Variants in HK1 observed in about 807,000 individuals in gnomAD.
HK1 encodes the protein hexokinase 1.
Under a neutral mutation model 91.6 loss-of-function variants are expected in HK1, and 28 were observed. That is an observed-to-expected ratio of 0.31 (90% CI 0.23 to 0.42). The LOEUF is 0.42. Ranked by LOEUF, HK1 falls within the 10% of genes least tolerant of loss-of-function variation. HK1 has a pLI of 1.00. For missense variants in HK1, 770 were observed against 1,219.8 expected, an observed-to-expected ratio of 0.63 and a Z score of 5.49; for synonymous variants, 430 against 468.1, an observed-to-expected ratio of 0.92 and a Z score of 1.05.
At chr10:69,358,398 G>A (rs1199795913) in intron 2 of HK1, among the ~76,000 whole-genome samples, 2 of 152,184 alleles carry the variant, frequency 1.3e-5, no homozygotes, top group East Asian at 1.9e-4. Flanking sequence ...TGTCACTCCC[G>A]AGGGAGGTAA....
intron 7 of HK1, among the ~76,000 whole-genome samples, chr10:69,375,201 G>GA (rs1156715370): frequency 6.6e-6 from 1 of 152,186 alleles, no homozygotes; most frequent in African/African-American, 2.4e-5. Flanking sequence ...AAAGTGCTGG[G>GA]AAAAGTGTCA....
intron 4 of HK1, among the ~76,000 whole-genome samples, chr10:69,298,589 C>T (rs1053722041): frequency 3.3e-5 from 5 of 151,616 alleles, no homozygotes; most frequent in African/African-American, 4.9e-5. Context: ...ATTTGTGCCC[C>T]TGCACCCCAG....
chr10:69,387,353 A>G (rs760173684), intron 13 of HK1, among the ~76,000 whole-genome samples: 19 of 152,098 alleles, frequency 1.2e-4, no homozygotes, highest in Non-Finnish European at 2.2e-4. Context: ...CAGTGGAGCA[A>G]TCTTGGCTCA....
At chr10:69,298,753 T>C (rs1845700063) in intron 4 of HK1, among the ~76,000 whole-genome samples, 1 of 151,874 alleles carries the variant, frequency 6.6e-6, no homozygotes, top group Non-Finnish European at 1.5e-5. Context: ...TGAAAGAAGA[T>C]AAAGATCTTA....
At chr10:69,368,103 C>T (rs1050579784) in intron 4 of HK1, among the ~76,000 whole-genome samples, 1 of 152,216 alleles carries the variant, frequency 6.6e-6, no homozygotes, top group African/African-American at 2.4e-5. Flanking sequence ...CATTTTGTTT[C>T]TTTTTCCAAT....
chr10:69,290,928 A>T (rs896765070), intron 3 of HK1, among the ~76,000 whole-genome samples: 1 of 152,182 alleles, frequency 6.6e-6, no homozygotes, highest in African/African-American at 2.4e-5. Context: ...GAGGCCACTA[A>T]ATACAGAAAA....
chr10:69,352,793 ATAG>A (rs1848943941), intron 2 of HK1, among the ~76,000 whole-genome samples: 1 of 152,204 alleles, frequency 6.6e-6, no homozygotes, highest in Non-Finnish European at 1.5e-5. Flanking sequence ...CTAAAATTAG[ATAG>A]TGGTGATGGT....
chr10:69,285,036 C>T (rs748759521), intron 2 of HK1, among the ~76,000 whole-genome samples: 3 of 152,050 alleles, frequency 2.0e-5, no homozygotes, highest in Non-Finnish European at 2.9e-5. Context: ...CCATGATGGT[C>T]TCGAACTCCT....
At chr10:69,379,135 G>A (rs1266379569) in intron 8 of HK1, among the ~76,000 whole-genome samples, 1 of 151,816 alleles carries the variant, frequency 6.6e-6, no homozygotes, top group Non-Finnish European at 1.5e-5. Context: ...TTGGGGCGAG[G>A]TTGGTTTTGT....
At position 69,369,354 on chromosome 10, in the gene HK1, G is replaced by A. The variant is rs1257350716; in HGVS notation, c.691+18G>A. 1 of 1,613,672 alleles carries A rather than the reference G, an allele frequency of 6.2e-7. No homozygotes were observed. The highest frequency in any genetic ancestry group is 8.5e-7 in the Non-Finnish European group (1 of 1,179,564). On this transcript the variant is annotated intron_variant, in intron 6 of 17. Transcript: ENST00000359426. The surrounding 1 kb of genome is among the most constrained non-coding windows in gnomAD (Gnocchi z 4.4). ...GATCATCGGTAATGCATTCCCCTTT[G>A]CCCATCCATTTGTTCGGCCCATCTT...
Position 69,382,523 on chromosome 10 carries a change from G to A in HK1, c.1302G>A (p.Leu434=). Reference sequence around the variant, plus strand: ...GTTTCCACAAGACTCTAAGGCGCTTGGTGCCAGACTCCGATGTGCGCTTCC... The same window carrying A: ...GTTTCCACAAGACTCTAAGGCGCTTAGTGCCAGACTCCGATGTGCGCTTCC... ...SRRFHKTLRR[L]VPDSDVRFLL... is the part of the protein sequence containing the mutation. Residue 434 remains leucine, a synonymous_variant, in exon 10 of 18, where the codon TTG becomes TTA. Coordinates refer to ENST00000359426, the MANE Select transcript of HK1 (RefSeq NM_000188.3). The A allele has an allele frequency of 6.2e-7, 1 of 1,614,230 alleles. No individual in the cohort carries two copies. The highest frequency in any genetic ancestry group is 8.5e-7 in the Non-Finnish European group (1 of 1,180,038).
chr10:69,292,292 T>G (rs1436155643), intron 3 of HK1: 1 of 427,884 alleles, frequency 2.3e-6, no homozygotes. Flanking sequence ...AGGCTGTTCT[T>G]AAATCCCTGG....
intron 7 of HK1, among the ~76,000 whole-genome samples, chr10:69,372,152 A>G: frequency 6.6e-6 from 1 of 152,222 alleles, no homozygotes; most frequent in East Asian, 1.9e-4. Flanking sequence ...GACTTATTCA[A>G]TATCACGAGA....
chr10:69,312,850 TC>T (rs1488704365), upstream of HK1, among the ~76,000 whole-genome samples: 1 of 149,830 alleles, frequency 6.7e-6, no homozygotes, highest in Non-Finnish European at 1.5e-5. Flanking sequence ...GGCAGTCTCT[TC>T]CAGTGTCTGT....
intron 2 of HK1, among the ~76,000 whole-genome samples, chr10:69,284,726 C>T (rs181638674): frequency 1.4e-4 from 21 of 152,326 alleles, no homozygotes; most frequent in African/African-American, 4.6e-4. Flanking sequence ...GCAACCTCCG[C>T]CTCCAGGGTT....
chr10:69,392,080 C>T, intron 14 of HK1, 45 bp from the exon 15 acceptor site: 2 of 1,610,628 alleles, frequency 1.2e-6, no homozygotes, highest in South Asian at 2.2e-5. Context: ...GCAAGACCCC[C>T]AAATGCAAGG....
chr10:69,315,844 A>G (rs1846609320), upstream of HK1: 1 of 1,031,158 alleles, frequency 9.7e-7, no homozygotes, highest in African/African-American at 1.6e-5. Flanking sequence ...CATCAGGACT[A>G]GGCTGGAGTC....
intron 1 of HK1, among the ~76,000 whole-genome samples, chr10:69,323,798 C>A (rs1847178301): frequency 6.6e-6 from 1 of 152,172 alleles, no homozygotes; most frequent in Non-Finnish European, 1.5e-5. Context: ...TGCTCCCACG[C>A]TCCTACTGTT....
At position 69,343,950 on chromosome 10, in the gene HK1, A is replaced by G. The variant is rs1207140048; in HGVS notation, c.187A>G (p.Met63Val). 6.2e-7 allele frequency: 1 copy of G among 1,614,022 alleles called. No homozygotes were observed. The highest frequency in any genetic ancestry group is 1.7e-5 in the Admixed American group (1 of 59,998). Reference protein sequence around the residue: ...RDFNPTATVKMLPTFVRSIPD... With the variant: ...RDFNPTATVKVLPTFVRSIPD... ...TTTTAATCCAACAGCCACAGTCAAG[A>G]TGTTGCCAACATTCGTAAGGTCCAT... The change falls in exon 2 of 18, where the codon ATG becomes GTG. Residue 63 changes from methionine to valine, a missense_variant. Around this residue, in one of 7 missense-constraint regions of HK1, gnomAD observed 449 missense variants for 665.1 expected, o/e 0.68. Transcript: ENST00000359426.
Sources: allele counts gnomAD v4.1 joint callset (sites outside exome capture counted in the v4.1 genomes callset), GRCh38; gene constraint gnomAD v4.1.1; regional missense constraint gnomAD v4.1.1; non-coding constraint Gnocchi (gnomAD v3.1); transcripts MANE v1.5; gene names NCBI Gene and HGNC (gene_info 2026-07-23, HGNC 2026-07-21).